SHROOM3: variants seen among roughly 807,000 people sequenced by gnomAD.
The protein encoded by SHROOM3 is shroom family member 3.
A neutral mutation model predicts 138.6 loss-of-function variants in SHROOM3; 47 were observed. That is an observed-to-expected ratio of 0.34 (90% CI 0.27 to 0.43). The LOEUF is 0.43. Ranked by LOEUF, SHROOM3 falls within the 20% of genes least tolerant of loss-of-function variation. The probability of loss-of-function intolerance (pLI) is 1.00; values close to 1 mark genes in which losing one functional copy is unlikely to be tolerated. For synonymous variants in SHROOM3, 1,062 were observed against 1,063.3 expected (o/e 1.00, Z 0.02); for missense variants, 2,491 against 2,596.5 (o/e 0.96, Z 0.88).
chr4:76,469,922 T>C (rs1731333749), intron 1 of SHROOM3, among the ~76,000 whole-genome samples: 1 of 152,178 alleles, frequency 6.6e-6, no homozygotes, highest in Non-Finnish European at 1.5e-5. Flanking sequence ...TAAGACGAAA[T>C]ATGTCAAGAA....
At position 76,612,193 on chromosome 4, in the gene SHROOM3, G is replaced by A. The variant is rs549105469; in HGVS notation, c.323+56430G>A. On this transcript the variant is annotated intron_variant, in intron 2 of 10. Transcript: ENST00000296043. ...CAGTAATAATATTATACATCTAAAG[G>A]AAGGAGCAAAATTTTAATCTGTGTG... Among the ~76,000 whole-genome samples the A allele has an allele frequency of 4.6e-5, 7 of 152,224 alleles. No individual in the cohort carries two copies. The South Asian group carries it at 1.5e-3, about 32-fold the overall frequency.
At chr4:76,542,679 AG>A (rs1733131456) in intron 1 of SHROOM3, among the ~76,000 whole-genome samples, 2 of 152,362 alleles carry the variant, frequency 1.3e-5, no homozygotes, top group African/African-American at 4.8e-5. Flanking sequence ...AAAAGAACAC[AG>A]CTAGCTGACA....
intron 2 of SHROOM3, among the ~76,000 whole-genome samples, chr4:76,591,402 T>C (rs1458231840): frequency 6.6e-6 from 1 of 152,208 alleles, no homozygotes; most frequent in Non-Finnish European, 1.5e-5. Flanking sequence ...GGGAAAACAT[T>C]TTCATGAGAA....
chr4:76,516,052 T>C (rs920157024), intron 1 of SHROOM3, among the ~76,000 whole-genome samples: 3 of 151,980 alleles, frequency 2.0e-5, no homozygotes, highest in Admixed American at 1.3e-4. Flanking sequence ...ATGAGAGAGA[T>C]TGGGAGTCAG....
intron 1 of SHROOM3, among the ~76,000 whole-genome samples, chr4:76,554,737 A>G (rs1733444062): frequency 6.6e-6 from 1 of 151,984 alleles, no homozygotes; most frequent in Admixed American, 6.6e-5. Flanking sequence ...CTCAACTTCT[A>G]ATGTAACCCG....
At chr4:76,462,822 A>G (rs1351145852) in intron 1 of SHROOM3, among the ~76,000 whole-genome samples, 1 of 151,342 alleles carries the variant, frequency 6.6e-6, no homozygotes, top group African/African-American at 2.4e-5. Context: ...GCCTTCCACC[A>G]TGATTTTAAA....
chr4:76,436,158 G>A lies in SHROOM3; in HGVS notation c.106G>A (p.Ala36Thr). The change falls in exon 1 of 11, where the codon GCT (alanine) becomes ACT (threonine). Residue 36 changes from alanine (A) to threonine (T), a missense_variant. Ala to Thr is a moderately conservative substitution (Grantham distance 58). This residue lies in a region of SHROOM3 where 284 missense variants were observed against 322.8 expected (regional missense o/e 0.88). Transcript: ENST00000296043. ...TCTGGAGGCATTCCTGGAGGGAGGA[G>A]CTCCCTGGGGTTTTACTCTAAAGGG... ...IYLEAFLEGGAPWGFTLKGGL... is the reference protein window; with the variant it reads ...IYLEAFLEGGTPWGFTLKGGL... The A allele has an allele frequency of 1.2e-6, 2 of 1,614,082 alleles. No individual in the cohort carries two copies. The highest frequency in any genetic ancestry group is 2.2e-5 in the East Asian group (1 of 44,888).
At chr4:76,540,794 A>G (rs1029859104) in intron 1 of SHROOM3, among the ~76,000 whole-genome samples, 1 of 152,214 alleles carries the variant, frequency 6.6e-6, no homozygotes, top group African/African-American at 2.4e-5. Context: ...GAGTAGGGAA[A>G]AAAAGAGAAG....
rs986402989 is a variant in SHROOM3, at chr4:76,740,215, G to A, written c.2042G>A (p.Gly681Asp). The change falls in exon 5 of 11, where the codon GGC becomes GAC. Residue 681 changes from glycine (G) to aspartate (D), a missense_variant. This residue lies in a region of SHROOM3 where 1,733 missense variants were observed against 1,661.6 expected (regional missense o/e 1.04). Transcript: ENST00000296043. The surrounding 1 kb of genome is among the most constrained non-coding windows in gnomAD (Gnocchi z 4.0). ...SLRRHSSLEL[G>D]RGTQEGYPGG... ...AGAAGACACAGCAGCCTGGAGCTAG[G>A]CCGGGGAACCCAGGAGGGTTACCCC... is the stretch of plus-strand genomic sequence containing the variant. 3 of 1,613,576 alleles carry A rather than the reference G, an allele frequency of 1.9e-6. No individual in the cohort carries two copies. In the Admixed American group the frequency reaches 5.0e-5, roughly 27 times the overall value.
chr4:76,637,838 G>A (rs902681313), intron 2 of SHROOM3, among the ~76,000 whole-genome samples: 6 of 152,166 alleles, frequency 3.9e-5, no homozygotes, highest in African/African-American at 1.2e-4. Context: ...GAGTCAGGGC[G>A]AGTGCCTTGG....
At chr4:76,457,371 C>A (rs1731048523) in intron 1 of SHROOM3, among the ~76,000 whole-genome samples, 1 of 152,116 alleles carries the variant, frequency 6.6e-6, no homozygotes, top group Non-Finnish European at 1.5e-5. Flanking sequence ...ATGTAAGATG[C>A]CTCATTCCCC....
intron 2 of SHROOM3, among the ~76,000 whole-genome samples, chr4:76,681,721 G>A (rs1374730628): frequency 1.3e-5 from 2 of 151,818 alleles, no homozygotes; most frequent in Non-Finnish European, 2.9e-5. Context: ...CGGGATGTTG[G>A]TATCTGCAGC....
intron 5 of SHROOM3, among the ~76,000 whole-genome samples, chr4:76,745,654 T>G (rs1373785730): frequency 6.6e-6 from 1 of 152,246 alleles, no homozygotes; most frequent in Non-Finnish European, 1.5e-5. Context: ...ATTTTTGCTG[T>G]GTGCCAGTCA....
chr4:76,436,375 G>T lies in SHROOM3; in HGVS notation c.168+155G>T, dbSNP rs11944802. ...TCTAGAAATATTTTGGATAGCCTGG[G>T]ATTTGAAAGAAAAATGTGTCTAGCT... On this transcript the variant is annotated intron_variant, in intron 1 of 10. Coordinates refer to ENST00000296043, the MANE Select transcript of SHROOM3 (RefSeq NM_020859.4). Among the ~76,000 whole-genome samples the T allele has an allele frequency of 0.17, 26,214 of 152,050 alleles. 2,359 individuals carry two copies. The highest frequency in any genetic ancestry group is 0.23 in the South Asian group (1,128 of 4,808).
chr4:76,436,200 G>C lies in SHROOM3; in HGVS notation c.148G>C (p.Glu50Gln), dbSNP rs1472997122. 1 of 1,613,976 alleles carries C rather than the reference G, an allele frequency of 6.2e-7. No homozygotes were observed. Among genetic ancestry groups the C allele is most frequent in the Non-Finnish European group, 8.5e-7 (1 of 1,179,900 alleles). Residue 50 changes from glutamate to glutamine, a missense_variant, in exon 1 of 11, where the codon GAA becomes CAA. Glu to Gln is a conservative substitution (Grantham distance 29). This residue lies in a region of SHROOM3 where 284 missense variants were observed against 322.8 expected (regional missense o/e 0.88). Transcript: ENST00000296043. Reference protein sequence around the residue: ...FTLKGGLEHGEPLIISKVEEG... With the variant: ...FTLKGGLEHGQPLIISKVEEG... ...TCTAAAGGGTGGCCTGGAGCACGGAGAACCATTAATCATCTCTAAGGTATG... is the reference window on the plus strand; with the variant it reads ...TCTAAAGGGTGGCCTGGAGCACGGACAACCATTAATCATCTCTAAGGTATG...
At chr4:76,674,618 A>G (rs774731959) in intron 2 of SHROOM3, among the ~76,000 whole-genome samples, 5 of 135,606 alleles carry the variant, frequency 3.7e-5, no homozygotes, top group Non-Finnish European at 7.6e-5. Context: ...GGCTGCCACA[A>G]TCTCAGCTCA....
intron 1 of SHROOM3, among the ~76,000 whole-genome samples, chr4:76,539,665 A>G (rs185228113): frequency 2.6e-5 from 4 of 152,340 alleles, no homozygotes; most frequent in Admixed American, 2.6e-4. Context: ...ACAGGAAGGG[A>G]AACAGGCACA....
rs62300949 is a variant in SHROOM3 at position 76,651,803 on chromosome 4, G to A, written c.324-58353G>A. Reference sequence around the variant, plus strand: ...ATGTTTAATGGCAATGTAACCAATCGGGAAATTCTTTGTCATAAACCATCA... The same window carrying A: ...ATGTTTAATGGCAATGTAACCAATCAGGAAATTCTTTGTCATAAACCATCA... On this transcript the variant is annotated intron_variant, in intron 2 of 10. Coordinates refer to ENST00000296043, the MANE Select transcript of SHROOM3 (RefSeq NM_020859.4). Among the ~76,000 whole-genome samples, 402 of 152,128 alleles carry A rather than the reference G, an allele frequency of 2.6e-3. 1 individual carries two copies. Among genetic ancestry groups the A allele is most frequent in the Non-Finnish European group, 4.1e-3 (280 of 68,010 alleles).
chr4:76,450,894 A>G (rs1730912606), intron 1 of SHROOM3, among the ~76,000 whole-genome samples: 1 of 152,198 alleles, frequency 6.6e-6, no homozygotes, highest in Admixed American at 6.5e-5. Context: ...ACAAAAAAAG[A>G]CAGAAATTAT....
Sources: gnomAD v4.1 joint callset for allele counts (sites outside exome capture counted in the v4.1 genomes callset) on GRCh38, gnomAD v4.1.1 for gene constraint, gnomAD v4.1.1 regional missense constraint, Gnocchi (gnomAD v3.1) non-coding constraint, MANE v1.5 for transcripts, NCBI Gene and HGNC (gene_info 2026-07-23, HGNC 2026-07-21) for gene names.